The following SMOX variants were observed in gnomAD, a reference collection of about 807,000 sequenced individuals.
SMOX encodes flavin containing amine oxidase.
Under a neutral mutation model 51.0 loss-of-function variants are expected in SMOX, and 22 were observed. The observed-to-expected ratio is 0.43, with a 90% CI of 0.31 to 0.62. The LOEUF (loss-of-function observed/expected upper bound fraction) is 0.62. SMOX is among the 20% of genes least tolerant of loss of function. The pLI is 0.10. For synonymous variants in SMOX, 282 were observed against 307.8 expected, an observed-to-expected ratio of 0.92 and a Z score of 0.88; for missense variants, 566 against 777.7, an observed-to-expected ratio of 0.73 and a Z score of 3.24.
intron 1 of SMOX, among the ~76,000 whole-genome samples, chr20:4,162,007 G>A (rs893901836): frequency 6.6e-6 from 1 of 152,212 alleles, no homozygotes; most frequent in Non-Finnish European, 1.5e-5. Context: ...GGGTGGCAGG[G>A]CCTGTGTGTC....
At chr20:4,156,349 T>C (rs932781231) in intron 1 of SMOX, among the ~76,000 whole-genome samples, 3 of 152,014 alleles carry the variant, frequency 2.0e-5, no homozygotes, top group Non-Finnish European at 2.9e-5. Flanking sequence ...CTGGTAGAGG[T>C]AGACTTGGTG....
At position 4,175,163 on chromosome 20, in the gene SMOX, C is replaced by T. The variant is rs150116847; in HGVS notation, c.108C>T (p.Gly36=). The change falls in exon 2 of 7, where the codon GGC becomes GGT. Residue 36 remains glycine (G), a synonymous_variant. Transcript: ENST00000305958. The stretch of plus-strand genomic sequence containing the variant: ...TGGTGATCGGCGCCGGCTTGGCTGG[C>T]CTGGCTGCAGCCAAAGCACTTCTTG... ...RVVVIGAGLA[G]LAAAKALLEQ... is the part of the protein sequence containing the mutation. 6.2e-7 allele frequency: 1 copy of T among 1,614,204 alleles called. No homozygotes were observed. The highest frequency in any genetic ancestry group is 8.5e-7 in the Non-Finnish European group (1 of 1,180,048).
At position 4,170,238 on chromosome 20, in the gene SMOX, T is replaced by A. The variant is rs6076627; in HGVS notation, c.-26-4792T>A. On this transcript the variant is annotated intron_variant, in intron 1 of 6. Transcript: ENST00000305958. The surrounding 1 kb of genome is among the most constrained non-coding windows in gnomAD (Gnocchi z 4.6). ...GGAGTTGCCATGGCTTGACCCGATGTATGAGGAGGGTCTCCCACTAAGGGT... is the reference window on the plus strand; with the variant it reads ...GGAGTTGCCATGGCTTGACCCGATGAATGAGGAGGGTCTCCCACTAAGGGT... Among the ~76,000 whole-genome samples the A allele has an allele frequency of 0.61, 91,475 of 151,138 alleles. 27,775 individuals carry two copies. The highest frequency in any genetic ancestry group is 0.61 in the Non-Finnish European group (41,626 of 67,816).
At chr20:4,179,357 A>G (rs1479501954) in intron 3 of SMOX, among the ~76,000 whole-genome samples, 1 of 152,166 alleles carries the variant, frequency 6.6e-6, no homozygotes, top group Non-Finnish European at 1.5e-5. Context: ...TTGAAAGTCA[A>G]GAGAGTGCGT....
intron 3 of SMOX, among the ~76,000 whole-genome samples, chr20:4,179,830 A>C (rs1162503741): frequency 2.0e-5 from 3 of 152,196 alleles, no homozygotes; most frequent in Non-Finnish European, 2.9e-5. Flanking sequence ...GCTTAATGAG[A>C]ATTGGGGTGA....
intron 1 of SMOX, among the ~76,000 whole-genome samples, chr20:4,155,420 G>GT (rs1568729566): frequency 1.3e-5 from 2 of 151,888 alleles, no homozygotes; most frequent in African/African-American, 4.8e-5. Context: ...GGGAGTGGGG[G>GT]GGGCCTGGAT....
intron 2 of SMOX, among the ~76,000 whole-genome samples, chr20:4,176,382 G>A (rs1291876771): frequency 6.6e-6 from 1 of 152,092 alleles, no homozygotes; most frequent in Non-Finnish European, 1.5e-5. Flanking sequence ...AGTGTCTGCA[G>A]GGAAACAGAC....
At chr20:4,178,554 C>T (rs891960535) in intron 3 of SMOX, among the ~76,000 whole-genome samples, 1 of 152,112 alleles carries the variant, frequency 6.6e-6, no homozygotes, top group African/African-American at 2.4e-5. Flanking sequence ...CTGCACCGAA[C>T]AAGCAAAGTA....
In SMOX at chr20:4,149,159, G is replaced by A. The variant is rs1031221913; in HGVS notation, c.-27+182G>A. On this transcript the variant is annotated intron_variant, in intron 1 of 6. Transcript: ENST00000305958. This position sits in a 1 kb window ranked among gnomAD's most constrained non-coding sequence, Gnocchi z 6.0. Reference sequence around the variant, plus strand: ...CTCGGGCGGGGGTGCGGGGCGTTCCGGGAGGCTCGCGGGGAGCAGGGGGCG... The same window carrying A: ...CTCGGGCGGGGGTGCGGGGCGTTCCAGGAGGCTCGCGGGGAGCAGGGGGCG... 2.7e-5 allele frequency among the ~76,000 whole-genome samples: 4 copies of A among 149,204 alleles called. No individual in the cohort carries two copies. The highest frequency in any genetic ancestry group is 2.0e-4 in the East Asian group (1 of 5,066).
Position 4,183,666 on chromosome 20 carries a change from G to T in SMOX, c.1530+12G>T. 6.4e-7 allele frequency: 1 copy of T among 1,554,470 alleles called. No individual in the cohort carries two copies. Among genetic ancestry groups the T allele is most frequent in the Non-Finnish European group, 8.7e-7 (1 of 1,152,588 alleles). On this transcript the variant is annotated intron_variant, in intron 6 of 6. Coordinates refer to ENST00000305958, the MANE Select transcript of SMOX (RefSeq NM_175839.3). This position sits in a 1 kb window ranked among gnomAD's most constrained non-coding sequence, Gnocchi z 4.3. ...GCTCAAAGACAGCGGTAAGCGGGGC[G>T]TTTGGGGTGAGGAGGGGAGTTGTGG...
chr20:4,156,888 G>A (rs1406997848), intron 1 of SMOX, among the ~76,000 whole-genome samples: 1 of 152,080 alleles, frequency 6.6e-6, no homozygotes, highest in Non-Finnish European at 1.5e-5. Flanking sequence ...GATTACAGGC[G>A]CTCACCACCA....
intron 1 of SMOX, among the ~76,000 whole-genome samples, chr20:4,150,926 C>T (rs950288372): frequency 1.3e-5 from 2 of 149,988 alleles, no homozygotes; most frequent in East Asian, 2.0e-4. Context: ...CCACCTCCTG[C>T]GTTCAAGTGA....
In SMOX at chr20:4,182,200, C is replaced by A; in HGVS notation, c.721C>A (p.Arg241=). 6 of 1,613,562 alleles carry A rather than the reference C, an allele frequency of 3.7e-6. No individual in the cohort carries two copies. The highest frequency in any genetic ancestry group is 4.2e-6 in the Non-Finnish European group (5 of 1,180,002). ...CCACATCATCCCCTCGGGCTTCATG[C>A]GGGTTGTGGAGCTGCTGGCGGAGGG... ...AHHIIPSGFM[R]VVELLAEGIP... The change falls in exon 5 of 7, where the codon CGG becomes AGG. Residue 241 remains arginine (R), a synonymous_variant. Transcript: ENST00000305958. The surrounding 1 kb of genome is among the most constrained non-coding windows in gnomAD (Gnocchi z 8.4).
Position 4,182,659 on chromosome 20 carries a change from A to G in SMOX, c.1180A>G (p.Ser394Gly). Residue 394 changes from serine to glycine, a missense_variant, in exon 5 of 7, where the codon AGC becomes GGC. By Grantham distance (56) the Ser-to-Gly change is moderately conservative. Transcript: ENST00000305958. This position sits in a 1 kb window ranked among gnomAD's most constrained non-coding sequence, Gnocchi z 8.4. ...GTTTGTGTGGGAGGACGAAGCAGAG[A>G]GCCACACCCTCACCTACCCACCTGA... ...LQFVWEDEAE[S>G]HTLTYPPELW... 15 of 1,614,048 alleles carry G rather than the reference A, an allele frequency of 9.3e-6. No homozygotes were observed. The highest frequency in any genetic ancestry group is 1.3e-5 in the Non-Finnish European group (15 of 1,180,006).
intron 6 of SMOX, among the ~76,000 whole-genome samples, chr20:4,184,187 G>T (rs1432185052): frequency 6.6e-6 from 1 of 151,096 alleles, no homozygotes; most frequent in Non-Finnish European, 1.5e-5. Context: ...GGTAGAGATG[G>T]GGTTTCATCA....
rs748350403 is a variant in SMOX at position 4,175,112 on chromosome 20, A to G, written c.57A>G (p.Leu19=). 1.9e-6 allele frequency: 3 copies of G among 1,614,232 alleles called. No homozygotes were observed. Among genetic ancestry groups the G allele is most frequent in the South Asian group, 1.1e-5 (1 of 91,086 alleles). ...DSADDPLSRG[L]RRRGQPRVVV... The stretch of plus-strand genomic sequence containing the variant: ...CGGATGACCCTCTCAGTCGCGGCCT[A>G]CGGAGAAGGGGACAGCCTCGTGTGG... The change falls in exon 2 of 7, where the codon CTA becomes CTG. Residue 19 remains leucine, a synonymous_variant. Coordinates refer to ENST00000305958, the MANE Select transcript of SMOX (RefSeq NM_175839.3).
At position 4,172,810 on chromosome 20, in the gene SMOX, A is replaced by T. The variant is rs929277900; in HGVS notation, c.-26-2220A>T. Among the ~76,000 whole-genome samples, 1 of 4,222 alleles carries T rather than the reference A, an allele frequency of 2.4e-4. No homozygotes were observed. The highest frequency in any genetic ancestry group is 1.5e-3 in the Non-Finnish European group (1 of 680). The allele number at this position is 4,222 out of a possible 152,430, so 2.8% of individuals were successfully genotyped here. On this transcript the variant is annotated intron_variant, in intron 1 of 6. Transcript: ENST00000305958. This position sits in a 1 kb window ranked among gnomAD's most constrained non-coding sequence, Gnocchi z 7.7. ...AGGGGCTGGAGGGTGGGTGGGTGGG[A>T]GGGGGGGTGGTGGAGGGAGGATTCC...
rs922425211 is a variant in SMOX at position 4,183,793 on chromosome 20, G to C, written c.1530+139G>C. 1.0e-6 allele frequency: 1 copy of C among 953,378 alleles called. No individual in the cohort carries two copies. Among genetic ancestry groups the C allele is most frequent in the Non-Finnish European group, 1.4e-6 (1 of 692,756 alleles). The allele number at this position is 953,378 out of a possible 1,614,324, so 59.1% of individuals were successfully genotyped here. Reference sequence around the variant, plus strand: ...AGGGATGGAGTAGCTTCTGTAATGAGAGAGAACACAAGGAAAAAAGTGTGC... The same window carrying C: ...AGGGATGGAGTAGCTTCTGTAATGACAGAGAACACAAGGAAAAAAGTGTGC... On this transcript the variant is annotated intron_variant, in intron 6 of 6. Coordinates refer to ENST00000305958, the MANE Select transcript of SMOX (RefSeq NM_175839.3). The surrounding 1 kb of genome is among the most constrained non-coding windows in gnomAD (Gnocchi z 4.3).
Position 4,173,474 on chromosome 20 carries a change from C to T in SMOX, c.-26-1556C>T, listed in dbSNP as rs1212579622. ...CAGCACCGCATATGTCTCTGTTCTC[C>T]TGCTGATAGACCCGTGGGGTGTTTT... On this transcript the variant is annotated intron_variant, in intron 1 of 6. Transcript: ENST00000305958. Among the ~76,000 whole-genome samples, 3 of 152,296 alleles carry T rather than the reference C, an allele frequency of 2.0e-5. No homozygotes were observed. In the East Asian group the frequency reaches 5.8e-4, roughly 29 times the overall value.
Sources: allele counts gnomAD v4.1 joint callset (sites outside exome capture counted in the v4.1 genomes callset), GRCh38; gene constraint gnomAD v4.1.1; non-coding constraint Gnocchi (gnomAD v3.1); transcripts MANE v1.5; gene names NCBI Gene and HGNC (gene_info 2026-07-23, HGNC 2026-07-21).